Variants in MCCC1 observed in about 807,000 individuals in gnomAD.
MCCC1 encodes methylcrotonoyl-CoA carboxylase subunit alpha, mitochondrial.
Under a neutral mutation model 83.8 loss-of-function variants are expected in MCCC1, and 64 were observed. That is an observed-to-expected ratio of 0.76 (90% CI 0.62 to 0.94). The LOEUF (loss-of-function observed/expected upper bound fraction) is 0.94. MCCC1 is among the 40% of genes least tolerant of loss of function. The probability of loss-of-function intolerance (pLI) is 0.00; values close to 1 mark genes in which losing one functional copy is unlikely to be tolerated. For missense variants in MCCC1, 807 were observed against 904.7 expected, an observed-to-expected ratio of 0.89 and a Z score of 1.39; for synonymous variants, 322 against 315.4, an observed-to-expected ratio of 1.02 and a Z score of -0.22.
At chr3:183,048,542 G>A (rs1714722914) in intron 9 of MCCC1, among the ~76,000 whole-genome samples, 1 of 152,110 alleles carries the variant, frequency 6.6e-6, no homozygotes, top group African/African-American at 2.4e-5. Context: ...AATGATAAAA[G>A]GGTAGACATA....
intron 3 of MCCC1, among the ~76,000 whole-genome samples, chr3:183,088,155 G>C (rs11716229): frequency 0.17 from 26,467 of 151,756 alleles, 2,628 homozygotes; most frequent in East Asian, 0.39. Context: ...TTTCTCCTAA[G>C]GGAGCACACA....
intron 14 of MCCC1, among the ~76,000 whole-genome samples, chr3:183,032,393 A>AT (rs1189746828): frequency 6.6e-6 from 1 of 152,186 alleles, no homozygotes; most frequent in Non-Finnish European, 1.5e-5. Context: ...GGGGGGTTGT[A>AT]TTTTTTAGGA....
intron 14 of MCCC1, among the ~76,000 whole-genome samples, chr3:183,031,491 CTTTTTTTTTTTT>C (rs66507233): frequency 2.8e-5 from 2 of 72,708 alleles, no homozygotes; most frequent in East Asian, 9.9e-4. Flanking sequence ...CTTCTGGCAC[CTTTTTTTTTTTT>C]TTTTTTTTTT....
chr3:183,077,294 T>A (rs1256823234), intron 4 of MCCC1, among the ~76,000 whole-genome samples: 1 of 152,242 alleles, frequency 6.6e-6, no homozygotes, highest in Non-Finnish European at 1.5e-5. Context: ...ACTCTATGTT[T>A]AACGTTTTGA....
chr3:183,111,323 G>A (rs1719489094), intron 1 of MCCC1, among the ~76,000 whole-genome samples: 1 of 151,426 alleles, frequency 6.6e-6, no homozygotes, highest in Non-Finnish European at 1.5e-5. Context: ...GTTTTGAGAT[G>A]GAGTCTCACT....
chr3:183,079,990 C>T (rs1165057728), intron 4 of MCCC1, among the ~76,000 whole-genome samples: 2 of 152,156 alleles, frequency 1.3e-5, no homozygotes, highest in African/African-American at 4.8e-5. Context: ...CTGAGGGGAC[C>T]AAATCCCTAG....
intron 1 of MCCC1, among the ~76,000 whole-genome samples, chr3:183,096,619 C>T (rs559059203): frequency 2.0e-5 from 3 of 152,234 alleles, no homozygotes; most frequent in East Asian, 3.9e-4. Flanking sequence ...CATCTATATG[C>T]GTCTATACAC....
chr3:183,040,090 C>A (rs375223245), intron 11 of MCCC1, among the ~76,000 whole-genome samples: 28 of 105,564 alleles, frequency 2.7e-4, no homozygotes, highest in African/African-American at 9.9e-4. Context: ...GAGTGAAACT[C>A]CATCTCAGAA....
At chr3:183,036,253 G>A (rs1353541909) in intron 13 of MCCC1, among the ~76,000 whole-genome samples, 1 of 152,036 alleles carries the variant, frequency 6.6e-6, no homozygotes, top group Non-Finnish European at 1.5e-5. Context: ...ACCCCACTAT[G>A]GCCCTTCCTA....
At position 183,057,355 on chromosome 3, in the gene MCCC1, T is replaced by C. The variant is rs1715498129; in HGVS notation, c.829A>G (p.Ser277Gly). ...ATCTTCTGATGTCGCCTCTGCACAC[T>C]ACAGTCTCTTTCAAACAAGTACACA... ...NAVYLFERDC[S>G]VQRRHQKIIE... Residue 277 changes from serine (S) to glycine (G), a missense_variant, in exon 8 of 19, where the codon AGT becomes GGT. Transcript: ENST00000265594. 6.2e-7 allele frequency: 1 copy of C among 1,610,804 alleles called. No homozygotes were observed. The highest frequency in any genetic ancestry group is 8.5e-7 in the Non-Finnish European group (1 of 1,178,258).
intron 14 of MCCC1, among the ~76,000 whole-genome samples, chr3:183,026,599 A>G (rs1046658796): frequency 4.6e-5 from 7 of 152,018 alleles, no homozygotes; most frequent in African/African-American, 1.7e-4. Context: ...AATCCCAGCT[A>G]CTCAGGGGGC....
chr3:183,059,880 T>G (rs1359968862), intron 7 of MCCC1, among the ~76,000 whole-genome samples: 1 of 152,220 alleles, frequency 6.6e-6, no homozygotes, highest in Admixed American at 6.5e-5. Context: ...TCTAGTATTT[T>G]CCTTCCTTGT....
In MCCC1 at chr3:183,052,259, A is replaced by C. The variant is rs1232439307; in HGVS notation, c.874-19T>G. ...TACCAGGCTATGAAAAAAATATGTA[A>C]ATAAATCTCCATTAGTAGCTTGCCT... On this transcript the variant is annotated intron_variant, in intron 8 of 18. Transcript: ENST00000265594. 1.2e-6 allele frequency: 2 copies of C among 1,605,564 alleles called. No individual in the cohort carries two copies. Among genetic ancestry groups the C allele is most frequent in the African/African-American group, 2.7e-5 (2 of 74,782 alleles).
chr3:183,020,331 G>T, intron 16 of MCCC1, 94 bp from the exon 17 acceptor site: 1 of 1,060,946 alleles, frequency 9.4e-7, no homozygotes, highest in Non-Finnish European at 1.4e-6. Context: ...CCAGCAATTT[G>T]TTAAATATTA....
intron 16 of MCCC1, among the ~76,000 whole-genome samples, chr3:183,021,657 T>C (rs1712170450): frequency 6.6e-6 from 1 of 152,220 alleles, no homozygotes; most frequent in Non-Finnish European, 1.5e-5. Context: ...ATTTTAGAAC[T>C]TGAGTTTTTC....
chr3:183,113,938 G>C (rs560734145), intron 1 of MCCC1, among the ~76,000 whole-genome samples: 2 of 152,094 alleles, frequency 1.3e-5, no homozygotes, highest in Non-Finnish European at 2.9e-5. Context: ...CCCTCAACCC[G>C]TGGGTGTAAT....
intron 13 of MCCC1, among the ~76,000 whole-genome samples, chr3:183,036,070 T>C (rs1176745133): frequency 7.0e-6 from 1 of 142,230 alleles, no homozygotes; most frequent in East Asian, 2.2e-4. Context: ...AGTGAGAACA[T>C]GCGGTGTTTG....
chr3:183,078,971 T>A (rs566969076), intron 4 of MCCC1, among the ~76,000 whole-genome samples: 4 of 152,306 alleles, frequency 2.6e-5, no homozygotes, highest in Admixed American at 1.3e-4. Context: ...TCAGCTCTCA[T>A]GAGACTCATT....
chr3:183,020,300 AC>A, intron 16 of MCCC1, 63 bp from the exon 17 acceptor site: 1 of 1,245,272 alleles, frequency 8.0e-7, no homozygotes, highest in Non-Finnish European at 1.2e-6. Flanking sequence ...TTACTAATAT[AC>A]CTGAGGTAAT....
Sources: gnomAD v4.1 joint callset for allele counts (sites outside exome capture counted in the v4.1 genomes callset) on GRCh38, gnomAD v4.1.1 for gene constraint, MANE v1.5 for transcripts, NCBI Gene and HGNC (gene_info 2026-07-23, HGNC 2026-07-21) for gene names.